Variants in FMN2 observed in about 807,000 individuals in gnomAD.
FMN2 encodes the protein formin-2.
A neutral mutation model predicts 142.3 loss-of-function variants in FMN2; 51 were observed. That is an observed-to-expected ratio of 0.36 (90% confidence interval 0.29 to 0.45). The LOEUF (loss-of-function observed/expected upper bound fraction) is 0.45. FMN2 is among the 20% of genes least tolerant of loss of function. The pLI is 1.00. For missense variants in FMN2, 1,936 were observed against 2,122.8 expected, an observed-to-expected ratio of 0.91 and a Z score of 1.73; for synonymous variants, 882 against 869.8, an observed-to-expected ratio of 1.01 and a Z score of -0.25.
intron 14 of FMN2, among the ~76,000 whole-genome samples, chr1:240,363,580 C>G: frequency 6.6e-6 from 1 of 152,140 alleles, no homozygotes; most frequent in East Asian, 1.9e-4. Flanking sequence ...CGTGTGCGTG[C>G]GTGTGCATGC....
intron 6 of FMN2, among the ~76,000 whole-genome samples, chr1:240,232,782 T>C (rs1261780304): frequency 6.6e-6 from 1 of 152,224 alleles, no homozygotes; most frequent in East Asian, 1.9e-4. Flanking sequence ...TTCAGTACCC[T>C]GTTTTAATAA....
intron 8 of FMN2, among the ~76,000 whole-genome samples, chr1:240,301,927 G>A (rs981957808): frequency 4.6e-5 from 7 of 151,326 alleles, no homozygotes; most frequent in Non-Finnish European, 7.4e-5. Flanking sequence ...TCCATCTCTC[G>A]TCCTTCAACC....
intron 2 of FMN2, chr1:240,142,750 A>T (rs755484710): frequency 1.5e-5 from 24 of 1,606,528 alleles, no homozygotes; most frequent in Non-Finnish European, 2.0e-5. Context: ...TCAGTGGCCA[A>T]TTCTGCCCGT....
Position 240,093,066 on chromosome 1 carries a change from C to T in FMN2, c.957C>T (p.Ser319=). 7.2e-7 allele frequency: 1 copy of T among 1,397,220 alleles called. No individual in the cohort carries two copies. The highest frequency in any genetic ancestry group is 9.2e-7 in the Non-Finnish European group (1 of 1,085,546). 86.6% of individuals were successfully genotyped at this position (1,397,220 alleles called of 1,614,324 possible). ...AAQPAAKDSP[S]STAFPFPEAG... ...AACCCGCGGCCAAAGACTCGCCCTCCTCCACGGCTTTCCCATTTCCCGAGG... is the reference window on the plus strand; with the variant it reads ...AACCCGCGGCCAAAGACTCGCCCTCTTCCACGGCTTTCCCATTTCCCGAGG... The change falls in exon 1 of 18, where the codon TCC becomes TCT. Residue 319 remains serine (S), a synonymous_variant. Coordinates refer to ENST00000319653, the MANE Select transcript of FMN2 (RefSeq NM_020066.5).
At chr1:240,464,912 G>A (rs1676563638) in intron 16 of FMN2, among the ~76,000 whole-genome samples, 1 of 152,136 alleles carries the variant, frequency 6.6e-6, no homozygotes, top group Non-Finnish European at 1.5e-5. Flanking sequence ...TGGGGTGCAA[G>A]CGCAGTGTTT....
intron 4 of FMN2, among the ~76,000 whole-genome samples, chr1:240,191,790 T>C (rs950528360): frequency 3.9e-5 from 6 of 152,346 alleles, no homozygotes; most frequent in Admixed American, 6.5e-5. Context: ...CAAAGCATTT[T>C]TCTAAAACTC....
intron 4 of FMN2, among the ~76,000 whole-genome samples, chr1:240,201,406 G>A (rs1290816974): frequency 6.6e-6 from 1 of 152,190 alleles, no homozygotes. Flanking sequence ...TGCATGAACT[G>A]TAATTGATTT....
At chr1:240,246,386 G>T (rs1445568676) in intron 6 of FMN2, among the ~76,000 whole-genome samples, 1 of 152,140 alleles carries the variant, frequency 6.6e-6, no homozygotes, top group Non-Finnish European at 1.5e-5. Flanking sequence ...ACTTGAGCCT[G>T]GGAGTTAGAG....
intron 7 of FMN2, among the ~76,000 whole-genome samples, chr1:240,264,238 T>C (rs1282631001): frequency 6.6e-6 from 1 of 152,158 alleles, no homozygotes; most frequent in Non-Finnish European, 1.5e-5. Context: ...TGGTCTGCCA[T>C]TGTCCTCCCT....
chr1:240,143,226 T>C, intron 2 of FMN2: 2 of 1,589,466 alleles, frequency 1.3e-6, no homozygotes, highest in Non-Finnish European at 1.7e-6. Context: ...AATGGAGTTA[T>C]AGGAAACTTC....
chr1:240,404,229 CT>C (rs1359863619), intron 15 of FMN2, among the ~76,000 whole-genome samples: 1 of 152,140 alleles, frequency 6.6e-6, no homozygotes, highest in East Asian at 1.9e-4. Context: ...TGTTTAGTGA[CT>C]TTTAGAGTGT....
At chr1:240,149,191 C>T (rs1663659065) in intron 2 of FMN2, among the ~76,000 whole-genome samples, 2 of 152,034 alleles carry the variant, frequency 1.3e-5, no homozygotes, top group Admixed American at 6.6e-5. Flanking sequence ...TTTCAAACAA[C>T]CCTAGAAAAA....
At chr1:240,287,004 C>T (rs1669614715) in intron 7 of FMN2, among the ~76,000 whole-genome samples, 1 of 152,104 alleles carries the variant, frequency 6.6e-6, no homozygotes, top group African/African-American at 2.4e-5. Context: ...TGTATAACTC[C>T]AGATTCCCAA....
chr1:240,472,581 T>A, intron 17 of FMN2, 128 bp downstream of exon 17: 1 of 571,540 alleles, frequency 1.7e-6, no homozygotes, highest in South Asian at 2.7e-5. Flanking sequence ...GCTTCTGACT[T>A]CAAGAATCTC....
chr1:240,192,548 T>TA (rs1251580667), intron 4 of FMN2, among the ~76,000 whole-genome samples: 1 of 152,086 alleles, frequency 6.6e-6, no homozygotes, highest in Non-Finnish European at 1.5e-5. Flanking sequence ...AGTAAATAAC[T>TA]AAAATAAGGC....
rs1671461100 is a variant in FMN2 at position 240,333,747 on chromosome 1, C to A, written c.4585-140C>A. The A allele has an allele frequency of 4.6e-6, 3 of 652,778 alleles. No individual in the cohort carries two copies. In the African/African-American group the frequency reaches 5.7e-5, roughly 12 times the overall value. The allele number at this position is 652,778 out of a possible 1,614,324, so 40.4% of individuals were successfully genotyped here. Reference sequence around the variant, plus strand: ...AACTCCTTAGACACAATGGCCAAGACAATCCAAAATGTAAAATTTCACATT... The same window carrying A: ...AACTCCTTAGACACAATGGCCAAGAAAATCCAAAATGTAAAATTTCACATT... On this transcript the variant is annotated intron_variant, in intron 11 of 17. Transcript: ENST00000319653.
At chr1:240,294,950 T>C in intron 8 of FMN2, 67 bp downstream of exon 8, 1 of 1,398,038 alleles carries the variant, frequency 7.2e-7, no homozygotes, top group East Asian at 2.3e-5. Flanking sequence ...TATGTGCACA[T>C]ATAGGCTCTT....
chr1:240,349,367 A>T (rs527928432), intron 13 of FMN2, among the ~76,000 whole-genome samples: 229 of 152,198 alleles, frequency 1.5e-3, no homozygotes, highest in African/African-American at 5.3e-3. Flanking sequence ...CTTCCTTCCT[A>T]CTTGCTGAGG....
intron 14 of FMN2, among the ~76,000 whole-genome samples, chr1:240,388,767 CAGG>C (rs1328832653): frequency 6.7e-6 from 1 of 149,316 alleles, no homozygotes; most frequent in Non-Finnish European, 1.5e-5. Context: ...GAGGCTGAGA[CAGG>C]AGAATCACTT....
Sources: allele counts gnomAD v4.1 joint callset (sites outside exome capture counted in the v4.1 genomes callset), GRCh38; gene constraint gnomAD v4.1.1; transcripts MANE v1.5; gene names NCBI Gene and HGNC (gene_info 2026-07-23, HGNC 2026-07-21).